Variants in GPC6 observed in about 807,000 individuals in gnomAD.
GPC6 encodes glypican-6.
In GPC6, 14 loss-of-function variants were observed where a neutral mutation model predicts 55.2. The observed-to-expected ratio is 0.25, with a 90% CI of 0.17 to 0.40. The LOEUF (loss-of-function observed/expected upper bound fraction) is 0.40. GPC6 is among the 10% of genes least tolerant of loss of function. The pLI, the probability that GPC6 is intolerant of heterozygous loss-of-function variation, is 1.00. For synonymous variants in GPC6, 278 were observed against 259.6 expected (o/e 1.07, Z -0.68); for missense variants, 641 against 708.5 (o/e 0.90, Z 1.08).
intron 1 of GPC6, among the ~76,000 whole-genome samples, chr13:93,328,537 T>G (rs1748648816): frequency 2.0e-5 from 3 of 151,978 alleles, no homozygotes; most frequent in African/African-American, 7.2e-5. Flanking sequence ...TAGCCTGGCG[T>G]GGTGGCATAC....
intron 3 of GPC6, among the ~76,000 whole-genome samples, chr13:93,932,935 A>G (rs1358433465): frequency 6.6e-6 from 1 of 151,662 alleles, no homozygotes; most frequent in African/African-American, 2.4e-5. Context: ...GGCTAAAGTC[A>G]AGGTGTTAAC....
intron 1 of GPC6, among the ~76,000 whole-genome samples, chr13:93,353,662 G>A (rs796570736): frequency 3.6e-4 from 55 of 152,322 alleles, no homozygotes; most frequent in African/African-American, 1.2e-3. Flanking sequence ...TTATGCCTTG[G>A]TGAAGGTAAT....
At chr13:94,239,878 G>A (rs1051666761) in intron 4 of GPC6, among the ~76,000 whole-genome samples, 1 of 152,128 alleles carries the variant, frequency 6.6e-6, no homozygotes, top group African/African-American at 2.4e-5. Flanking sequence ...CGCCTTTCAA[G>A]TGTCATTTGT....
chr13:93,698,093 A>G (rs960525886), intron 2 of GPC6, among the ~76,000 whole-genome samples: 2 of 152,102 alleles, frequency 1.3e-5, no homozygotes, highest in Non-Finnish European at 2.9e-5. Context: ...AGTCCTTTCT[A>G]TTCATCCAAA....
intron 3 of GPC6, among the ~76,000 whole-genome samples, chr13:94,023,802 A>C (rs1283080980): frequency 1.3e-5 from 2 of 152,050 alleles, no homozygotes; most frequent in Non-Finnish European, 2.9e-5. Flanking sequence ...CAATAAAAAG[A>C]GATGAACTAT....
At chr13:94,310,087 A>G (rs1162554876) in intron 6 of GPC6, among the ~76,000 whole-genome samples, 1 of 152,226 alleles carries the variant, frequency 6.6e-6, no homozygotes, top group Non-Finnish European at 1.5e-5. Context: ...TCTGAGCATC[A>G]AAAGGTATTT....
chr13:93,658,189 T>A (rs955313045), intron 2 of GPC6, among the ~76,000 whole-genome samples: 1 of 152,032 alleles, frequency 6.6e-6, no homozygotes, highest in Non-Finnish European at 1.5e-5. Flanking sequence ...AAAATTCCTT[T>A]GTGCCACATT....
chr13:94,139,469 C>T (rs777013671), intron 4 of GPC6, among the ~76,000 whole-genome samples: 2 of 152,140 alleles, frequency 1.3e-5, no homozygotes, highest in African/African-American at 2.4e-5. Context: ...GATTGGGGCT[C>T]CTTGGATCTC....
intron 3 of GPC6, among the ~76,000 whole-genome samples, chr13:93,900,468 C>G (rs1876283398): frequency 6.6e-6 from 1 of 152,116 alleles, no homozygotes; most frequent in Admixed American, 6.6e-5. Flanking sequence ...ACAATTGTAT[C>G]TTTGAATGAA....
chr13:93,311,955 A>G (rs988953161), intron 1 of GPC6, among the ~76,000 whole-genome samples: 1 of 152,214 alleles, frequency 6.6e-6, no homozygotes, highest in Non-Finnish European at 1.5e-5. Flanking sequence ...GTAAAAAAGA[A>G]AGAAGCTAAA....
rs752124050 is a variant in GPC6, at chr13:93,545,305, C to G, written c.203C>G (p.Thr68Ser). 1.4e-5 allele frequency: 23 copies of G among 1,613,326 alleles called. No individual in the cohort carries two copies. Among genetic ancestry groups the G allele is most frequent in the Non-Finnish European group, 1.9e-5 (22 of 1,179,458 alleles). Reference protein sequence around the residue: ...RICPQEYTCCTTEMEDKLSQQ... With the variant: ...RICPQEYTCCSTEMEDKLSQQ... ...TGTCCTCAGGAATATACATGCTGCA[C>G]CACAGAAATGGAAGACAAGTTAAGC... is the stretch of plus-strand genomic sequence containing the variant. The change falls in exon 2 of 9, where the codon ACC becomes AGC. Residue 68 changes from threonine (T) to serine (S), a missense_variant. Coordinates refer to ENST00000377047, the MANE Select transcript of GPC6 (RefSeq NM_005708.5).
chr13:94,167,939 T>C (rs1888422388), intron 4 of GPC6, among the ~76,000 whole-genome samples: 1 of 152,258 alleles, frequency 6.6e-6, no homozygotes, highest in African/African-American at 2.4e-5. Flanking sequence ...TACTGTCAGT[T>C]GTTATCTATT....
chr13:94,231,154 T>C (rs944862924), intron 4 of GPC6, among the ~76,000 whole-genome samples: 2 of 152,160 alleles, frequency 1.3e-5, no homozygotes, highest in South Asian at 4.1e-4. Context: ...CAAAGTTTCA[T>C]TAATTTGTTG....
Position 93,276,495 on chromosome 13 carries a change from A to AGAGAGAGAGAGAGT in GPC6, c.160+48880_160+48881insAGAGAGAGAGAGTG, listed in dbSNP as rs1365006783. ...GAGAGAGAGAGAGAGAGAGAGAGAG[A>AGAGAGAGAGAGAGT]GTGTGTGTGTGTGTGTGTGTGTGTG... On this transcript the variant is annotated intron_variant, in intron 1 of 8. Coordinates refer to ENST00000377047, the MANE Select transcript of GPC6 (RefSeq NM_005708.5). Among the ~76,000 whole-genome samples the AGAGAGAGAGAGAGT allele has an allele frequency of 2.5e-3, 240 of 94,414 alleles. 1 individual carries two copies. The highest frequency in any genetic ancestry group is 0.01 in the African/African-American group (226 of 22,360). 61.9% of individuals were successfully genotyped at this position (94,414 alleles called of 152,430 possible).
At chr13:93,643,544 G>T (rs1266184626) in intron 2 of GPC6, among the ~76,000 whole-genome samples, 1 of 152,090 alleles carries the variant, frequency 6.6e-6, no homozygotes, top group Non-Finnish European at 1.5e-5. Context: ...ATAAAGGAAA[G>T]TAAGAGCTAT....
At chr13:93,599,136 C>T (rs557088494) in intron 2 of GPC6, among the ~76,000 whole-genome samples, 1 of 152,174 alleles carries the variant, frequency 6.6e-6, no homozygotes, top group East Asian at 1.9e-4. Flanking sequence ...TGAAATTATA[C>T]CGAAAAGTTC....
rs546081119 is a variant in GPC6 at position 94,353,273 on chromosome 13, C to T, written c.1153-29141C>T. ...GACCACCGACAAGCAAAAATGAGTG[C>T]GGCTTTGCATTTACTGCCTGGAAAC... is the stretch of plus-strand genomic sequence containing the variant. On this transcript the variant is annotated intron_variant, in intron 6 of 8. Coordinates refer to ENST00000377047, the MANE Select transcript of GPC6 (RefSeq NM_005708.5). 8.5e-5 allele frequency among the ~76,000 whole-genome samples: 13 copies of T among 152,188 alleles called. No individual in the cohort carries two copies. In the East Asian group the frequency reaches 1.5e-3, roughly 18 times the overall value.
intron 2 of GPC6, among the ~76,000 whole-genome samples, chr13:93,802,211 A>G (rs1363362660): frequency 6.6e-6 from 1 of 152,152 alleles, no homozygotes; most frequent in East Asian, 1.9e-4. Flanking sequence ...ATCTTCTGTC[A>G]TCTTGTTCCA....
intron 4 of GPC6, among the ~76,000 whole-genome samples, chr13:94,047,129 T>C (rs974530503): frequency 6.6e-6 from 1 of 152,156 alleles, no homozygotes; most frequent in Non-Finnish European, 1.5e-5. Flanking sequence ...AGGTCCCCTT[T>C]AGTATGTCAC....
Sources: gnomAD v4.1 joint callset for allele counts (sites outside exome capture counted in the v4.1 genomes callset) on GRCh38, gnomAD v4.1.1 for gene constraint, MANE v1.5 for transcripts, NCBI Gene and HGNC (gene_info 2026-07-23, HGNC 2026-07-21) for gene names.